Variants in TSEN2 observed in about 807,000 individuals in gnomAD.
The protein encoded by TSEN2 is tRNA-splicing endonuclease subunit Sen2.
Under a neutral mutation model 59.2 loss-of-function variants are expected in TSEN2, and 54 were observed. The observed-to-expected ratio is 0.91, with a 90% CI of 0.73 to 1.14. The LOEUF (loss-of-function observed/expected upper bound fraction) is 1.14. TSEN2 is among the 50% of genes most tolerant of loss of function. The pLI is 0.00. For synonymous variants in TSEN2, 195 were observed against 198.2 expected (o/e 0.98, Z 0.14); for missense variants, 636 against 576.2 (o/e 1.10, Z -1.06).
intron 8 of TSEN2, among the ~76,000 whole-genome samples, chr3:12,527,828 GA>G (rs1458996595): frequency 2.6e-5 from 4 of 152,164 alleles, no homozygotes; most frequent in African/African-American, 9.7e-5. Context: ...AACTGTACGG[GA>G]GACTGAGAGC....
intron 6 of TSEN2, among the ~76,000 whole-genome samples, chr3:12,509,252 G>A (rs544856554): frequency 5.2e-4 from 79 of 150,880 alleles, no homozygotes; most frequent in African/African-American, 1.6e-3. Flanking sequence ...CTAGGCTGCA[G>A]TGCAGTGGCG....
intron 6 of TSEN2, chr3:12,505,456 T>G (rs1575322737): frequency 2.0e-6 from 1 of 512,356 alleles, no homozygotes; most frequent in South Asian, 2.3e-5. Context: ...CACAGAAGAT[T>G]CGAGGGGTTT....
chr3:12,489,746 TTGTC>T, intron 1 of TSEN2, 34 bp from the exon 2 acceptor site: 1 of 1,570,396 alleles, frequency 6.4e-7, no homozygotes, highest in Middle Eastern at 2.2e-4. Context: ...TAGTTATTGA[TTGTC>T]TGTTTCTTTC....
downstream of TSEN2, among the ~76,000 whole-genome samples, chr3:12,535,247 A>T (rs1240619409): frequency 6.6e-6 from 1 of 152,184 alleles, no homozygotes; most frequent in Non-Finnish European, 1.5e-5. Flanking sequence ...TTAAAATCTC[A>T]TTACAGACTT....
At chr3:12,480,528 G>GGTTTTTTTTTTTTTTTTTTTTTTTTTTT (rs1553565213), upstream of TSEN2, among the ~76,000 whole-genome samples, 3 of 91,738 alleles carry the variant, frequency 3.3e-5, no homozygotes, top group South Asian at 3.3e-4. Context: ...TTGTTTCTTT[G>GGTTTTTTTTTTTTTTTTTTTTTTTTTTT]TTTTTTTTTT....
Position 12,528,907 on chromosome 3 carries a change from T to A in TSEN2, c.1119T>A (p.Pro373=). The stretch of plus-strand genomic sequence containing the variant: ...TTGCAGTGCTATATCGGAAAGGCCC[T>A]CCATTTTACCATGCAAGGTTCGGAG... ...GTDLLLYRKG[P]PFYHASYSVI... Residue 373 remains proline, a synonymous_variant, in exon 9 of 12, where the codon CCT becomes CCA. Coordinates refer to ENST00000284995, the MANE Select transcript of TSEN2 (RefSeq NM_025265.4). 6.2e-7 allele frequency: 1 copy of A among 1,614,084 alleles called. No homozygotes were observed.
At chr3:12,497,380 T>A (rs1353300447) in intron 4 of TSEN2, among the ~76,000 whole-genome samples, 1 of 152,228 alleles carries the variant, frequency 6.6e-6, no homozygotes, top group Admixed American at 6.5e-5. Context: ...ACGTGCAAAA[T>A]CTGGCAGCTC....
chr3:12,520,002 C>CTT (rs57040794), intron 8 of TSEN2, among the ~76,000 whole-genome samples: 13 of 146,156 alleles, frequency 8.9e-5, no homozygotes, highest in Admixed American at 2.7e-4. Context: ...CGCTTACTGT[C>CTT]TTTTTTTTTT....
chr3:12,497,424 A>T (rs2053862213), intron 4 of TSEN2, among the ~76,000 whole-genome samples: 1 of 152,206 alleles, frequency 6.6e-6, no homozygotes. Context: ...CCCCATAGCC[A>T]GCGGGGTGGC....
At chr3:12,528,726 T>C (rs1196036628) in intron 8 of TSEN2, among the ~76,000 whole-genome samples, 162 bp from the exon 9 acceptor site, 1 of 152,130 alleles carries the variant, frequency 6.6e-6, no homozygotes, top group Non-Finnish European at 1.5e-5. Context: ...TCTGAAAAAA[T>C]AGACCACAGG....
At chr3:12,514,303 A>G (rs191557062) in intron 6 of TSEN2, among the ~76,000 whole-genome samples, 3 of 152,228 alleles carry the variant, frequency 2.0e-5, no homozygotes, top group Admixed American at 6.5e-5. Flanking sequence ...GGACAGCTGG[A>G]AAGAGCAGTG....
chr3:12,533,741 C>G (rs1414856315), downstream of TSEN2: 3 of 148,484 alleles, frequency 2.0e-5, no homozygotes, highest in Non-Finnish European at 4.5e-5. Context: ...TGGTAGAATA[C>G]TTAGGCTAAG....
At chr3:12,506,294 A>G (rs757590406) in intron 6 of TSEN2, among the ~76,000 whole-genome samples, 66 of 152,066 alleles carry the variant, frequency 4.3e-4, no homozygotes, top group Non-Finnish European at 7.6e-4. Context: ...CAGTAGCTAC[A>G]TTCTTGAAAG....
chr3:12,492,355 A>G, intron 3 of TSEN2, 138 bp downstream of exon 3: 1 of 700,548 alleles, frequency 1.4e-6, no homozygotes, highest in East Asian at 2.7e-5. Context: ...AGTTAGCTAG[A>G]ATAATTCTAA....
At chr3:12,532,174 G>A (rs1469230258) in intron 11 of TSEN2, among the ~76,000 whole-genome samples, 2 of 152,010 alleles carry the variant, frequency 1.3e-5, no homozygotes, top group South Asian at 2.1e-4. Context: ...CTTTGTTGTC[G>A]TCCTGTCTTC....
intron 10 of TSEN2, chr3:12,530,623 G>T (rs2057398576): frequency 2.0e-6 from 2 of 985,296 alleles, no homozygotes; most frequent in African/African-American, 1.7e-5. Context: ...AGGCCAGAGG[G>T]TCTTGCAGGG....
intron 6 of TSEN2, among the ~76,000 whole-genome samples, chr3:12,506,213 T>C (rs1020604496): frequency 1.3e-5 from 2 of 152,216 alleles, no homozygotes; most frequent in Non-Finnish European, 2.9e-5. Flanking sequence ...TGCTACATGA[T>C]TCAGATCATG....
chr3:12,486,200 A>G (rs747402328), intron 1 of TSEN2, among the ~76,000 whole-genome samples: 15 of 152,180 alleles, frequency 9.9e-5, no homozygotes, highest in African/African-American at 3.4e-4. Flanking sequence ...TCTGGTACCT[A>G]CCTATGACAG....
chr3:12,531,496 C>T, intron 10 of TSEN2, 74 bp from the exon 11 acceptor site: 1 of 933,574 alleles, frequency 1.1e-6, no homozygotes, highest in South Asian at 1.3e-5. Flanking sequence ...AGACCACCTG[C>T]ATTTCCTGCT....
Sources: allele counts gnomAD v4.1 joint callset (sites outside exome capture counted in the v4.1 genomes callset), GRCh38; gene constraint gnomAD v4.1.1; transcripts MANE v1.5; gene names NCBI Gene and HGNC (gene_info 2026-07-23, HGNC 2026-07-21).